Variants in CEP57L1 observed in about 807,000 individuals in gnomAD.
CEP57L1 encodes the protein centrosomal protein CEP57L1.
Under a neutral mutation model 61.0 loss-of-function variants are expected in CEP57L1, and 37 were observed. The observed-to-expected ratio is 0.61, with a 90% CI of 0.47 to 0.80. The LOEUF (loss-of-function observed/expected upper bound fraction) is 0.80, where lower values mean the gene tolerates loss of function less well. Among genes scored for constraint, CEP57L1 ranks in the 30% least tolerant of loss-of-function variants. The pLI is 0.00. For missense variants in CEP57L1, 422 were observed against 524.7 expected, an observed-to-expected ratio of 0.80 and a Z score of 1.91; for synonymous variants, 137 against 162.3, an observed-to-expected ratio of 0.84 and a Z score of 1.19.
chr6:109,147,116 C>T (rs1041846105), intron 3 of CEP57L1, among the ~76,000 whole-genome samples, 179 bp downstream of exon 3: 18 of 152,038 alleles, frequency 1.2e-4, no homozygotes, highest in African/African-American at 3.9e-4. Context: ...TTGAACTTAC[C>T]TCTATCATAT....
chr6:109,159,913 T>G (rs1773571357), intron 9 of CEP57L1, among the ~76,000 whole-genome samples: 1 of 152,192 alleles, frequency 6.6e-6, no homozygotes, highest in Non-Finnish European at 1.5e-5. Flanking sequence ...TCTCCTTTTG[T>G]GTTTTAGAAT....
intron 1 of CEP57L1, among the ~76,000 whole-genome samples, chr6:109,123,036 A>G (rs1162391117): frequency 6.6e-6 from 1 of 152,136 alleles, no homozygotes; most frequent in African/African-American, 2.4e-5. Context: ...TTCTGTTTCC[A>G]TGGACCTTGG....
intron 1 of CEP57L1, among the ~76,000 whole-genome samples, chr6:109,111,734 G>T (rs1426757221): frequency 1.3e-5 from 2 of 152,118 alleles, no homozygotes; most frequent in Admixed American, 6.6e-5. Context: ...TATCGTGAAG[G>T]GTTGTTGAAT....
intron 1 of CEP57L1, among the ~76,000 whole-genome samples, chr6:109,138,733 G>A (rs1440581255): frequency 3.9e-5 from 6 of 152,256 alleles, no homozygotes; most frequent in Admixed American, 2.0e-4. Flanking sequence ...TTTAAGATAA[G>A]TATGACCGCC....
chr6:109,159,178 G>A (rs1472924162), intron 8 of CEP57L1, 76 bp downstream of exon 8: 1 of 1,613,462 alleles, frequency 6.2e-7, no homozygotes, highest in East Asian at 2.2e-5. Flanking sequence ...AATATCTTCA[G>A]TCATTTAAAA....
chr6:109,159,066 T>C lies in CEP57L1; in HGVS notation c.786T>C (p.Cys262=). Residue 262 remains cysteine (C), a synonymous_variant, in exon 8 of 11, where the codon TGT becomes TGC. Transcript: ENST00000517392. ...CIKRRPPWQI[C]SKFGALPFVA... is the part of the protein sequence containing the mutation. ...AGAGACGACCACCTTGGCAAATTTG[T>C]TCAAAGTTTGGAGCACTGCCTTTTG... 1 of 1,613,922 alleles carries C rather than the reference T, an allele frequency of 6.2e-7. No individual in the cohort carries two copies. Among genetic ancestry groups the C allele is most frequent in the Non-Finnish European group, 8.5e-7 (1 of 1,179,926 alleles).
intron 1 of CEP57L1, among the ~76,000 whole-genome samples, chr6:109,143,174 T>A (rs1040179689): frequency 3.3e-5 from 5 of 152,144 alleles, no homozygotes; most frequent in African/African-American, 1.2e-4. Flanking sequence ...ACTCTCTCTC[T>A]TTTTAGAACC....
At chr6:109,099,409 G>A (rs1222103023) in intron 1 of CEP57L1, among the ~76,000 whole-genome samples, 1 of 152,196 alleles carries the variant, frequency 6.6e-6, no homozygotes, top group Non-Finnish European at 1.5e-5. Flanking sequence ...AAATGTTGCT[G>A]TAGGTCAAAT....
intron 1 of CEP57L1, among the ~76,000 whole-genome samples, chr6:109,123,689 G>A (rs189482680): frequency 9.2e-5 from 14 of 152,130 alleles, no homozygotes; most frequent in Non-Finnish European, 5.9e-5. Context: ...CCTTGTTCTG[G>A]TCATAAGTTC....
chr6:109,098,982 T>C (rs1456696144), intron 1 of CEP57L1, among the ~76,000 whole-genome samples: 1 of 152,198 alleles, frequency 6.6e-6, no homozygotes, highest in Non-Finnish European at 1.5e-5. Context: ...CTTCAAAGTT[T>C]CTAACCTGAG....
chr6:109,150,246 A>C lies in CEP57L1; in HGVS notation c.462+7A>C. ...CATGATCCTAGAACAACAGGTGAGCATATTTTCTATAAGGAATGATAATAT... is the reference window on the plus strand; with the variant it reads ...CATGATCCTAGAACAACAGGTGAGCCTATTTTCTATAAGGAATGATAATAT... On this transcript the variant is annotated splice_region_variant and intron_variant, in intron 4 of 10. Transcript: ENST00000517392. 5 of 1,588,514 alleles carry C rather than the reference A, an allele frequency of 3.1e-6. No individual in the cohort carries two copies. The highest frequency in any genetic ancestry group is 4.3e-6 in the Non-Finnish European group (5 of 1,159,642).
At position 109,153,939 on chromosome 6, in the gene CEP57L1, A is replaced by G; in HGVS notation, c.569A>G (p.Lys190Arg). Residue 190 changes from lysine (K) to arginine (R), a missense_variant, in exon 5 of 11, where the codon AAA becomes AGA. By Grantham distance (26) the Lys-to-Arg change is conservative. Coordinates refer to ENST00000517392, the MANE Select transcript of CEP57L1 (RefSeq NM_001271852.3). ...TGTTTCAGACTTACAACAACTCAGAAAACTGCTGAGGTAAGCTTTCTTTGA... is the reference window on the plus strand; with the variant it reads ...TGTTTCAGACTTACAACAACTCAGAGAACTGCTGAGGTAAGCTTTCTTTGA... ...KECFRLTTTQ[K>R]TAEDKIKHLE... 6.3e-7 allele frequency: 1 copy of G among 1,582,426 alleles called. No individual in the cohort carries two copies. Among genetic ancestry groups the G allele is most frequent in the Non-Finnish European group, 8.7e-7 (1 of 1,155,926 alleles).
Position 109,137,589 on chromosome 6 carries a change from C to T in CEP57L1, c.-3-7630C>T, listed in dbSNP as rs149899444. On this transcript the variant is annotated intron_variant, in intron 1 of 10. Transcript: ENST00000517392. ...TGCTGGGATTACAGGTGTGAGCCAC[C>T]GCTCCCAGCCTCAAAACATACTTTT... 8.7e-3 allele frequency among the ~76,000 whole-genome samples: 1,317 copies of T among 152,230 alleles called. 24 individuals carry two copies. The highest frequency in any genetic ancestry group is 0.03 in the African/African-American group (1,250 of 41,526).
chr6:109,135,598 A>G (rs1176784828), intron 1 of CEP57L1, among the ~76,000 whole-genome samples: 1 of 152,228 alleles, frequency 6.6e-6, no homozygotes, highest in Non-Finnish European at 1.5e-5. Context: ...TCTGCCCAGC[A>G]AAAGAAACTA....
chr6:109,126,321 C>G (rs1049704411), intron 1 of CEP57L1, among the ~76,000 whole-genome samples: 7 of 152,098 alleles, frequency 4.6e-5, no homozygotes, highest in African/African-American at 1.7e-4. Context: ...CTGCTTTCTA[C>G]CTCTTTGGAA....
chr6:109,170,400 G>A lies in CEP57L1; in HGVS notation c.*7430G>A, dbSNP rs1398126811. Among the ~76,000 whole-genome samples, 3 of 151,968 alleles carry A rather than the reference G, an allele frequency of 2.0e-5. No individual in the cohort carries two copies. In the East Asian group the frequency reaches 5.8e-4, roughly 29 times the overall value. Reference sequence around the variant, plus strand: ...TCTAAAAAACCTTGAGAGGCATTTTGTTGTTGTTGTTGTTGTTGTTAGTTT... The same window carrying A: ...TCTAAAAAACCTTGAGAGGCATTTTATTGTTGTTGTTGTTGTTGTTAGTTT... On this transcript the variant is annotated 3_prime_UTR_variant, in exon 11 of 11. Transcript: ENST00000517392.
At chr6:109,150,503 A>T (rs1675663548) in intron 4 of CEP57L1, among the ~76,000 whole-genome samples, 1 of 152,118 alleles carries the variant, frequency 6.6e-6, no homozygotes, top group Non-Finnish European at 1.5e-5. Context: ...CTCTACTAAA[A>T]ATACAAAAAT....
upstream of CEP57L1, chr6:109,095,451 G>T: frequency 2.0e-6 from 2 of 985,838 alleles, no homozygotes; most frequent in Non-Finnish European, 2.4e-6. Flanking sequence ...ATGTAGTTTC[G>T]ATGCTGCCGG....
intron 4 of CEP57L1, among the ~76,000 whole-genome samples, chr6:109,151,748 A>G (rs1334779289): frequency 1.3e-5 from 2 of 152,130 alleles, no homozygotes; most frequent in Non-Finnish European, 2.9e-5. Context: ...TTTCACTGTC[A>G]TTTGTGAAAG....
Sources: allele counts gnomAD v4.1 joint callset (sites outside exome capture counted in the v4.1 genomes callset), GRCh38; gene constraint gnomAD v4.1.1; transcripts MANE v1.5; gene names NCBI Gene and HGNC (gene_info 2026-07-23, HGNC 2026-07-21).